RNASE1: variants seen among roughly 807,000 people sequenced by gnomAD.
RNASE1 encodes the protein ribonuclease pancreatic.
For missense variants in RNASE1, 203 were observed against 201.0 expected (o/e 1.01, Z -0.06); for synonymous variants, 64 against 78.6 (o/e 0.81, Z 0.98).
chr14:20,801,269 T>G lies in RNASE1; in HGVS notation c.*329A>C. On this transcript the variant is annotated 3_prime_UTR_variant, in exon 2 of 2. Coordinates refer to ENST00000397967, the MANE Select transcript of RNASE1 (RefSeq NM_002933.5). ...AGGCATTTAATTACTCCATTCACCGTTCTCCAAAGTGAATCAGATTTACAG... is the reference window on the plus strand; with the variant it reads ...AGGCATTTAATTACTCCATTCACCGGTCTCCAAAGTGAATCAGATTTACAG... The G allele has an allele frequency of 3.4e-6, 1 of 293,114 alleles. No individual in the cohort carries two copies. Among genetic ancestry groups the G allele is most frequent in the Non-Finnish European group, 6.5e-6 (1 of 154,422 alleles). The allele number at this position is 293,114 out of a possible 1,614,324, so 18.2% of individuals were successfully genotyped here. A position where few individuals can be genotyped will look rare whatever the true frequency, so the allele number is the denominator to read the frequency against.
rs1879410140 is a variant in RNASE1, at chr14:20,801,811, A to G, written c.258T>C (p.Cys86=). 1 of 1,614,180 alleles carries G rather than the reference A, an allele frequency of 6.2e-7. No individual in the cohort carries two copies. Among genetic ancestry groups the G allele is most frequent in the Non-Finnish European group, 8.5e-7 (1 of 1,180,028 alleles). ...HEPLVDVQNV[C]FQEKVTCKNG... is the part of the protein sequence containing the mutation. ...TCTTGCAGGTGACCTTTTCCTGGAA[A>G]CAGACATTCTGGACATCTACCAGGG... The change falls in exon 2 of 2, where the codon TGT becomes TGC. Residue 86 remains cysteine (C), a synonymous_variant. Coordinates refer to ENST00000397967, the MANE Select transcript of RNASE1 (RefSeq NM_002933.5).
intron 1 of RNASE1, 118 bp from the exon 2 acceptor site, chr14:20,802,211 C>T: frequency 3.0e-6 from 2 of 659,994 alleles, no homozygotes; most frequent in Non-Finnish European, 5.1e-6. Context: ...AGACGTCCAT[C>T]CTACTTCCTG....
chr14:20,801,858 C>T lies in RNASE1; in HGVS notation c.211G>A (p.Val71Met), dbSNP rs752642959. 55 of 1,614,224 alleles carry T rather than the reference C, an allele frequency of 3.4e-5. 1 individual carries two copies. The East Asian group carries it at 1.2e-3, about 34-fold the overall frequency. The change falls in exon 2 of 2, where the codon GTG becomes ATG. Residue 71 changes from valine (V) to methionine (M), a missense_variant. Val to Met is a conservative substitution (Grantham distance 21). Transcript: ENST00000397967. ...RNMTQGRCKP[V>M]NTFVHEPLVD... Reference sequence around the variant, plus strand: ...AGGGGCTCGTGCACAAAGGTGTTCACTGGTTTGCACCGCCCCTGTGTCATA... The same window carrying T: ...AGGGGCTCGTGCACAAAGGTGTTCATTGGTTTGCACCGCCCCTGTGTCATA...
rs1879398856 is a variant in RNASE1 at position 20,801,678 on chromosome 14, C to T, written c.391G>A (p.Glu131Lys). The T allele has an allele frequency of 1.3e-5, 21 of 1,614,034 alleles. No homozygotes were observed. The highest frequency in any genetic ancestry group is 4.0e-5 in the African/African-American group (3 of 74,904). ...PNCAYRTSPKERHIIVACEGS... is the reference protein window; with the variant it reads ...PNCAYRTSPKKRHIIVACEGS... ...TCACAGGCCACAATGATGTGTCTCT[C>T]CTTCGGGCTGGTCCGGTATGCACAG... is the stretch of plus-strand genomic sequence containing the variant. The change falls in exon 2 of 2, where the codon GAG (glutamate) becomes AAG (lysine). Residue 131 changes from glutamate to lysine, a missense_variant. Physicochemically the swap from Glu to Lys is moderately conservative, Grantham distance 56. Coordinates refer to ENST00000397967, the MANE Select transcript of RNASE1 (RefSeq NM_002933.5).
Position 20,801,838 on chromosome 14 carries a change from C to T in RNASE1, c.231G>A (p.Glu77=), listed in dbSNP as rs1389040648. The T allele has an allele frequency of 5.0e-6, 8 of 1,614,216 alleles. No individual in the cohort carries two copies. The Admixed American group carries it at 5.0e-5, about 10-fold the overall frequency. ...RCKPVNTFVH[E]PLVDVQNVCF... ...AGACATTCTGGACATCTACCAGGGG[C>T]TCGTGCACAAAGGTGTTCACTGGTT... The change falls in exon 2 of 2, where the codon GAG becomes GAA. Residue 77 remains glutamate, a synonymous_variant. Transcript: ENST00000397967.
Position 20,802,042 on chromosome 14 carries a change from C to T in RNASE1, c.27G>A (p.Arg9=). MALEKSLV[R]LLLLVLILLV... ...GCAGTATCAGGACAAGCAGAAGGAG[C>T]CGGACAAGAGACTTCTCCAGAGCCA... The change falls in exon 2 of 2, where the codon CGG becomes CGA. Residue 9 remains arginine, a synonymous_variant. Coordinates refer to ENST00000397967, the MANE Select transcript of RNASE1 (RefSeq NM_002933.5). 6.2e-7 allele frequency: 1 copy of T among 1,602,438 alleles called. No individual in the cohort carries two copies. Among genetic ancestry groups the T allele is most frequent in the Non-Finnish European group, 8.5e-7 (1 of 1,179,366 alleles).
Position 20,801,294 on chromosome 14 carries a change from GT to G in RNASE1, c.*303del, listed in dbSNP as rs1411140364. 3 of 391,570 alleles carry G rather than the reference GT, an allele frequency of 7.7e-6. No homozygotes were observed. Among genetic ancestry groups the G allele is most frequent in the Non-Finnish European group, 9.4e-6 (2 of 212,954 alleles). The allele number at this position is 391,570 out of a possible 1,614,324, so 24.3% of individuals were successfully genotyped here. On this transcript the variant is annotated 3_prime_UTR_variant, in exon 2 of 2. Transcript: ENST00000397967. ...TTCTCCAAAGTGAATCAGATTTACAGTTCTTACCCCTTGCTGGAAGGCAATG... is the reference window on the plus strand; with the variant it reads ...TTCTCCAAAGTGAATCAGATTTACAGTCTTACCCCTTGCTGGAAGGCAATG...
At chr14:20,802,352 A>G (rs923357117) in intron 1 of RNASE1, 3 of 349,168 alleles carry the variant, frequency 8.6e-6, no homozygotes. Flanking sequence ...GTCAGTTCCT[A>G]TCTTTGAATA....
chr14:20,802,041 G>T lies in RNASE1; in HGVS notation c.28C>A (p.Leu10Ile), dbSNP rs759121954. The change falls in exon 2 of 2, where the codon CTC becomes ATC. Residue 10 changes from leucine to isoleucine, a missense_variant. Physicochemically the swap from Leu to Ile is conservative, Grantham distance 5. Coordinates refer to ENST00000397967, the MANE Select transcript of RNASE1 (RefSeq NM_002933.5). MALEKSLVR[L>I]LLLVLILLVL... ...AGCAGTATCAGGACAAGCAGAAGGA[G>T]CCGGACAAGAGACTTCTCCAGAGCC... 1 of 1,603,190 alleles carries T rather than the reference G, an allele frequency of 6.2e-7. No homozygotes were observed.
Position 20,801,311 on chromosome 14 carries a change from G to T in RNASE1, c.*287C>A, listed in dbSNP as rs1879374762. On this transcript the variant is annotated 3_prime_UTR_variant, in exon 2 of 2. Transcript: ENST00000397967. ...GATTTACAGTTCTTACCCCTTGCTGGAAGGCAATGCCAGAAACAGTACCTA... is the reference window on the plus strand; with the variant it reads ...GATTTACAGTTCTTACCCCTTGCTGTAAGGCAATGCCAGAAACAGTACCTA... 1.9e-5 allele frequency: 8 copies of T among 422,098 alleles called. No homozygotes were observed. In the South Asian group the frequency reaches 3.2e-4, roughly 17 times the overall value. The allele number at this position is 422,098 out of a possible 1,614,324, so 26.1% of individuals were successfully genotyped here.
At position 20,801,914 on chromosome 14, in the gene RNASE1, G is replaced by C. The variant is rs181082069; in HGVS notation, c.155C>G (p.Thr52Ser). ...GCGCCTCATCATTTGGTTACAGTAG[G>C]TGGAGCTGCTGCTGGGGGAACTGTC... ...DSDSSPSSSS[T>S]YCNQMMRRRN... Residue 52 changes from threonine to serine, a missense_variant, in exon 2 of 2, where the codon ACC becomes AGC. Thr to Ser is a moderately conservative substitution (Grantham distance 58). Coordinates refer to ENST00000397967, the MANE Select transcript of RNASE1 (RefSeq NM_002933.5). 155 of 1,614,026 alleles carry C rather than the reference G, an allele frequency of 9.6e-5. No homozygotes were observed. The East Asian group carries it at 3.1e-3, about 33-fold the overall frequency.
Position 20,801,950 on chromosome 14 carries a change from T to A in RNASE1, c.119A>T (p.His40Leu). 6.2e-7 allele frequency: 1 copy of A among 1,614,014 alleles called. No homozygotes were observed. Among genetic ancestry groups the A allele is most frequent in the Non-Finnish European group, 8.5e-7 (1 of 1,179,968 alleles). ...ESRAKKFQRQ[H>L]MDSDSSPSSS... ...GCTGGGGGAACTGTCTGAGTCCATA[T>A]GCTGCCGCTGGAATTTCTTGGCCCG... is the stretch of plus-strand genomic sequence containing the variant. The change falls in exon 2 of 2, where the codon CAT (histidine) becomes CTT (leucine). Residue 40 changes from histidine to leucine, a missense_variant. By Grantham distance (99) the His-to-Leu change is moderately conservative. Transcript: ENST00000397967.
rs1335820362 is a variant in RNASE1 at position 20,801,395 on chromosome 14, G to A, written c.*203C>T. On this transcript the variant is annotated 3_prime_UTR_variant, in exon 2 of 2. Transcript: ENST00000397967. ...CTGCGTTTTATTGAAAGAAAGAGTG[G>A]AGGGGTTAACATGGGGCCCACCTCA... 1 of 588,878 alleles carries A rather than the reference G, an allele frequency of 1.7e-6. No homozygotes were observed. Among genetic ancestry groups the A allele is most frequent in the Non-Finnish European group, 3.0e-6 (1 of 329,988 alleles). The allele number at this position is 588,878 out of a possible 1,614,324, so 36.5% of individuals were successfully genotyped here.
chr14:20,801,813 A>G lies in RNASE1; in HGVS notation c.256T>C (p.Cys86Arg). Residue 86 changes from cysteine to arginine, a missense_variant, in exon 2 of 2, where the codon TGT becomes CGT. Coordinates refer to ENST00000397967, the MANE Select transcript of RNASE1 (RefSeq NM_002933.5). ...TTGCAGGTGACCTTTTCCTGGAAAC[A>G]GACATTCTGGACATCTACCAGGGGC... is the stretch of plus-strand genomic sequence containing the variant. ...HEPLVDVQNV[C>R]FQEKVTCKNG... 1 of 1,614,178 alleles carries G rather than the reference A, an allele frequency of 6.2e-7. No homozygotes were observed. Among genetic ancestry groups the G allele is most frequent in the Non-Finnish European group, 8.5e-7 (1 of 1,180,028 alleles).
chr14:20,801,393 T>G lies in RNASE1; in HGVS notation c.*205A>C. On this transcript the variant is annotated 3_prime_UTR_variant, in exon 2 of 2. Transcript: ENST00000397967. Reference sequence around the variant, plus strand: ...AACTGCGTTTTATTGAAAGAAAGAGTGGAGGGGTTAACATGGGGCCCACCT... The same window carrying G: ...AACTGCGTTTTATTGAAAGAAAGAGGGGAGGGGTTAACATGGGGCCCACCT... The G allele has an allele frequency of 1.7e-6, 1 of 573,898 alleles. No individual in the cohort carries two copies. The highest frequency in any genetic ancestry group is 3.1e-6 in the Non-Finnish European group (1 of 321,956). The allele number at this position is 573,898 out of a possible 1,614,324, so 35.6% of individuals were successfully genotyped here.
In RNASE1 at chr14:20,802,058, T is replaced by C. The variant is rs939594854; in HGVS notation, c.11A>G (p.Glu4Gly). The C allele has an allele frequency of 9.4e-6, 15 of 1,597,268 alleles. No individual in the cohort carries two copies. The Middle Eastern group carries it at 8.4e-4, about 89-fold the overall frequency. The change falls in exon 2 of 2, where the codon GAG becomes GGG. Residue 4 changes from glutamate (E) to glycine (G), a missense_variant. Physicochemically the swap from Glu to Gly is moderately conservative, Grantham distance 98 (BLOSUM62 -2). Coordinates refer to ENST00000397967, the MANE Select transcript of RNASE1 (RefSeq NM_002933.5). MAL[E>G]KSLVRLLLLV... ...CAGAAGGAGCCGGACAAGAGACTTC[T>C]CCAGAGCCATGGTGGCCTCACTTTC... is the stretch of plus-strand genomic sequence containing the variant.
In RNASE1 at chr14:20,801,482, G is replaced by T. The variant is rs1879383039; in HGVS notation, c.*116C>A. On this transcript the variant is annotated 3_prime_UTR_variant, in exon 2 of 2. Transcript: ENST00000397967. ...GGACTCAGGAAAGGGAAGCATGTGT[G>T]TGTTGAATAGGAGCCCTAACTGTAG... 2.4e-6 allele frequency: 2 copies of T among 850,106 alleles called. No homozygotes were observed. The highest frequency in any genetic ancestry group is 3.3e-5 in the South Asian group (2 of 61,296). 52.7% of individuals were successfully genotyped at this position (850,106 alleles called of 1,614,324 possible).
At position 20,801,358 on chromosome 14, in the gene RNASE1, A is replaced by G. The variant is rs1200359949; in HGVS notation, c.*240T>C. On this transcript the variant is annotated 3_prime_UTR_variant, in exon 2 of 2. Coordinates refer to ENST00000397967, the MANE Select transcript of RNASE1 (RefSeq NM_002933.5). ...CCTAGACAGAACCGCTTCAGAAATC[A>G]GGTGTTTGCAACTGCGTTTTATTGA... The G allele has an allele frequency of 2.2e-5, 12 of 553,608 alleles. No homozygotes were observed. The highest frequency in any genetic ancestry group is 4.6e-5 in the South Asian group (2 of 43,014). The allele number at this position is 553,608 out of a possible 1,614,324, so 34.3% of individuals were successfully genotyped here.
rs1409932628 is a variant in RNASE1 at position 20,802,813 on chromosome 14, G to A, written c.-42C>T. ...GCTGCTTACCTGGATCTGCAGCTTGGTGTCTGAGAGAGATGGAAGGCCAGT... is the reference window on the plus strand; with the variant it reads ...GCTGCTTACCTGGATCTGCAGCTTGATGTCTGAGAGAGATGGAAGGCCAGT... On this transcript the variant is annotated 5_prime_UTR_variant, in exon 1 of 2. Coordinates refer to ENST00000397967, the MANE Select transcript of RNASE1 (RefSeq NM_002933.5). 6.6e-6 allele frequency: 1 copy of A among 152,328 alleles called. No homozygotes were observed. Among genetic ancestry groups the A allele is most frequent in the Non-Finnish European group, 1.5e-5 (1 of 68,184 alleles). The allele number at this position is 152,328 out of a possible 1,614,324, so 9.4% of individuals were successfully genotyped here.
Sources: gnomAD v4.1 joint callset for allele counts on GRCh38, gnomAD v4.1.1 for gene constraint, MANE v1.5 for transcripts, NCBI Gene and HGNC (gene_info 2026-07-23, HGNC 2026-07-21) for gene names.